The following FNBP1 variants were observed in gnomAD, a reference collection of about 807,000 sequenced individuals.
The protein encoded by FNBP1 is formin-binding protein 1.
Under a neutral mutation model 90.6 loss-of-function variants are expected in FNBP1, and 26 were observed. That is an observed-to-expected ratio of 0.29 (90% confidence interval 0.21 to 0.40). FNBP1 has a LOEUF of 0.40. FNBP1 is among the 10% of genes least tolerant of loss of function. The pLI is 1.00. For missense variants in FNBP1, 635 were observed against 768.0 expected, an observed-to-expected ratio of 0.83 and a Z score of 2.05; for synonymous variants, 260 against 265.2, an observed-to-expected ratio of 0.98 and a Z score of 0.19.
chr9:129,898,638 C>G (rs1201790963), intron 15 of FNBP1, among the ~76,000 whole-genome samples: 1 of 152,074 alleles, frequency 6.6e-6, no homozygotes. Flanking sequence ...TACAGGCATG[C>G]GCTACCACGC....
At position 129,888,909 on chromosome 9, in the gene FNBP1, G is replaced by A. The variant is rs2034894999; in HGVS notation, c.*1630C>T. 1 of 232,026 alleles carries A rather than the reference G, an allele frequency of 4.3e-6. No homozygotes were observed. Among genetic ancestry groups the A allele is most frequent in the African/African-American group, 2.2e-5 (1 of 45,252 alleles). The allele number at this position is 232,026 out of a possible 1,614,324, so 14.4% of individuals were successfully genotyped here. A position where few individuals can be genotyped will look rare whatever the true frequency, so the allele number is the denominator to read the frequency against. The stretch of plus-strand genomic sequence containing the variant: ...AGATTCATAAACAGCAAGAGGAACT[G>A]AGGATGCTTGAGGGGACCACCTAGT... On this transcript the variant is annotated 3_prime_UTR_variant, in exon 17 of 17. Transcript: ENST00000446176.
rs1320009584 is a variant in FNBP1, at chr9:129,895,990, T to C, written c.1694A>G (p.Asn565Ser). 6.2e-7 allele frequency: 1 copy of C among 1,607,632 alleles called. No homozygotes were observed. Among genetic ancestry groups the C allele is most frequent in the South Asian group, 1.1e-5 (1 of 89,752 alleles). Residue 565 changes from asparagine (N) to serine (S), a missense_variant, in exon 16 of 17, where the codon AAT (asparagine) becomes AGT (serine). Physicochemically the swap from Asn to Ser is conservative, Grantham distance 46 (BLOSUM62 1). Transcript: ENST00000446176. ...CKALYTFEGQ[N>S]EGTISVVEGE... Reference sequence around the variant, plus strand: ...TTCAACTACGGAAATCGTTCCTTCATTCTGACCTGAAAAAGCAATATCAGG... The same window carrying C: ...TTCAACTACGGAAATCGTTCCTTCACTCTGACCTGAAAAAGCAATATCAGG...
At chr9:130,022,727 C>CA (rs1564598907) in intron 1 of FNBP1, among the ~76,000 whole-genome samples, 1 of 152,066 alleles carries the variant, frequency 6.6e-6, no homozygotes, top group Non-Finnish European at 1.5e-5. Flanking sequence ...TGCTGGTGTG[C>CA]AGTGGCTCAA....
chr9:129,995,086 G>A, intron 1 of FNBP1, 128 bp from the exon 2 acceptor site: 5 of 619,114 alleles, frequency 8.1e-6, no homozygotes, highest in Non-Finnish European at 1.1e-5. Flanking sequence ...ATTATACTTG[G>A]GGTGCTTTTT....
upstream of FNBP1, among the ~76,000 whole-genome samples, chr9:130,043,586 G>A (rs1038903089): frequency 1.3e-5 from 2 of 152,364 alleles, no homozygotes; most frequent in Non-Finnish European, 2.9e-5. Flanking sequence ...CATGCGCGCC[G>A]AGCAGAGTCA....
chr9:129,980,196 C>A (rs2050971414), intron 2 of FNBP1, among the ~76,000 whole-genome samples: 1 of 151,476 alleles, frequency 6.6e-6, no homozygotes, highest in African/African-American at 2.4e-5. Context: ...CCCGTCCCTA[C>A]TAAAAAATAC....
At chr9:129,985,894 G>A (rs187483941) in intron 2 of FNBP1, among the ~76,000 whole-genome samples, 12 of 150,596 alleles carry the variant, frequency 8.0e-5, no homozygotes, top group African/African-American at 2.2e-4. Context: ...CCCAGGAGGC[G>A]GTGTTGCAGT....
intron 4 of FNBP1, among the ~76,000 whole-genome samples, chr9:129,978,089 C>T (rs768040190): frequency 2.0e-5 from 3 of 151,808 alleles, no homozygotes; most frequent in African/African-American, 7.3e-5. Context: ...TGCAAAATCT[C>T]GGCTCACTGC....
chr9:130,023,935 A>G (rs1189386986), intron 1 of FNBP1, among the ~76,000 whole-genome samples: 1 of 152,038 alleles, frequency 6.6e-6, no homozygotes, highest in African/African-American at 2.4e-5. Flanking sequence ...CTAGTGTATA[A>G]AATAGTACCC....
At chr9:129,939,415 T>TTA (rs1392094320) in intron 6 of FNBP1, among the ~76,000 whole-genome samples, 1 of 152,030 alleles carries the variant, frequency 6.6e-6, no homozygotes, top group Non-Finnish European at 1.5e-5. Context: ...CTTGCATATG[T>TTA]TATCACATGT....
chr9:129,991,905 C>T (rs1021404331), intron 2 of FNBP1, among the ~76,000 whole-genome samples: 13 of 152,114 alleles, frequency 8.5e-5, no homozygotes, highest in African/African-American at 2.7e-4. Context: ...GTGATCCGCC[C>T]GCCTCAGCCT....
chr9:129,949,981 G>GA (rs1325292205), intron 6 of FNBP1, among the ~76,000 whole-genome samples: 1 of 152,248 alleles, frequency 6.6e-6, no homozygotes, highest in African/African-American at 2.4e-5. Context: ...CTGGCTGCTA[G>GA]AAAAAAAGGA....
chr9:129,896,474 C>T (rs1352102097), intron 15 of FNBP1, among the ~76,000 whole-genome samples: 1 of 152,118 alleles, frequency 6.6e-6, no homozygotes, highest in Non-Finnish European at 1.5e-5. Context: ...ACCTCCACCT[C>T]CCCGGTTCAA....
chr9:129,945,671 C>T lies in FNBP1; in HGVS notation c.513+11689G>A, dbSNP rs573991564. ...CACTTAGAATAGAGCCAACTCCATCCTGTTGGCTTCACAGAGTTGGCAACA... is the reference window on the plus strand; with the variant it reads ...CACTTAGAATAGAGCCAACTCCATCTTGTTGGCTTCACAGAGTTGGCAACA... On this transcript the variant is annotated intron_variant, in intron 6 of 16. Transcript: ENST00000446176. Among the ~76,000 whole-genome samples, 150 of 152,204 alleles carry T rather than the reference C, an allele frequency of 9.9e-4. 3 individuals are homozygous for T. Among genetic ancestry groups the T allele is most frequent in the Non-Finnish European group, 4.3e-4 (29 of 68,030 alleles).
intron 11 of FNBP1, among the ~76,000 whole-genome samples, chr9:129,909,839 C>A (rs960455207): frequency 6.6e-6 from 1 of 152,336 alleles, no homozygotes; most frequent in East Asian, 1.9e-4. Flanking sequence ...CTCACCTTGG[C>A]CTCCCAAAGT....
At chr9:130,043,589 CAG>C (rs2060012037), upstream of FNBP1, among the ~76,000 whole-genome samples, 1 of 152,254 alleles carries the variant, frequency 6.6e-6, no homozygotes, top group Non-Finnish European at 1.5e-5. Context: ...GCGCGCCGAG[CAG>C]AGTCAGCCCG....
At chr9:129,990,107 AT>A (rs772193648) in intron 2 of FNBP1, among the ~76,000 whole-genome samples, 71 of 152,298 alleles carry the variant, frequency 4.7e-4, no homozygotes, top group East Asian at 7.7e-4. Context: ...CACAAAAAAA[AT>A]ATTAAGTTTG....
intron 1 of FNBP1, among the ~76,000 whole-genome samples, chr9:130,024,893 T>C (rs2058188817): frequency 6.6e-6 from 1 of 152,184 alleles, no homozygotes; most frequent in Non-Finnish European, 1.5e-5. Flanking sequence ...TTCAGCAAAC[T>C]ACTCCCTGAT....
At chr9:129,930,218 G>T (rs2042536109) in intron 6 of FNBP1, among the ~76,000 whole-genome samples, 1 of 152,052 alleles carries the variant, frequency 6.6e-6, no homozygotes, top group East Asian at 1.9e-4. Context: ...GCACCACCAT[G>T]CTTGGCTAAT....
Sources: allele counts gnomAD v4.1 joint callset (sites outside exome capture counted in the v4.1 genomes callset), GRCh38; gene constraint gnomAD v4.1.1; transcripts MANE v1.5; gene names NCBI Gene and HGNC (gene_info 2026-07-23, HGNC 2026-07-21).